NAV2: variants seen among roughly 807,000 people sequenced by gnomAD.
NAV2 encodes neuron navigator 2.
Under a neutral mutation model 223.2 loss-of-function variants are expected in NAV2, and 54 were observed. That is an observed-to-expected ratio of 0.24 (90% CI 0.19 to 0.30). The LOEUF (loss-of-function observed/expected upper bound fraction) is 0.30. Ranked by LOEUF, NAV2 falls within the 10% of genes least tolerant of loss-of-function variation. NAV2 has a pLI of 1.00. For missense variants in NAV2, 2,806 were observed against 3,147.5 expected, an observed-to-expected ratio of 0.89 and a Z score of 2.60; for synonymous variants, 1,279 against 1,239.3, an observed-to-expected ratio of 1.03 and a Z score of -0.67.
chr11:19,991,456 G>T (rs1438064955), intron 11 of NAV2, among the ~76,000 whole-genome samples: 2 of 152,146 alleles, frequency 1.3e-5, no homozygotes, highest in Non-Finnish European at 2.9e-5. Context: ...CTTAGGTCCT[G>T]CAAGCTACTT....
At chr11:19,656,085 G>C (rs1030574442) in intron 1 of NAV2, among the ~76,000 whole-genome samples, 1 of 152,286 alleles carries the variant, frequency 6.6e-6, no homozygotes, top group East Asian at 1.9e-4. Context: ...TTTCCGTGAA[G>C]GGGCTCAGCA....
chr11:19,850,694 T>C (rs947336232), intron 3 of NAV2, among the ~76,000 whole-genome samples: 1 of 152,216 alleles, frequency 6.6e-6, no homozygotes, highest in Non-Finnish European at 1.5e-5. Context: ...TCAGGACTTG[T>C]GGTTAATTTT....
chr11:20,006,170 AG>A (rs1211509628), intron 11 of NAV2, among the ~76,000 whole-genome samples: 1 of 152,090 alleles, frequency 6.6e-6, no homozygotes, highest in African/African-American at 2.4e-5. Flanking sequence ...GATCTTTCAA[AG>A]GTCTTTCAGT....
At chr11:19,547,728 A>G (rs2044550014) in intron 1 of NAV2, among the ~76,000 whole-genome samples, 1 of 152,132 alleles carries the variant, frequency 6.6e-6, no homozygotes, top group South Asian at 2.1e-4. Context: ...GAGCTCTAAG[A>G]CTTGTACTTT....
chr11:19,627,380 CT>C (rs897078055), intron 1 of NAV2, among the ~76,000 whole-genome samples: 2 of 151,494 alleles, frequency 1.3e-5, no homozygotes, highest in African/African-American at 4.9e-5. Flanking sequence ...CAGAGCGAGA[CT>C]CTGTCTCAAA....
At chr11:19,693,752 A>G (rs2049250721) in intron 1 of NAV2, among the ~76,000 whole-genome samples, 1 of 152,120 alleles carries the variant, frequency 6.6e-6, no homozygotes, top group South Asian at 2.1e-4. Flanking sequence ...CACACCAGCG[A>G]CTGGTGTAAC....
At chr11:19,770,028 A>T (rs2152572665) in intron 1 of NAV2, among the ~76,000 whole-genome samples, 1 of 152,096 alleles carries the variant, frequency 6.6e-6, no homozygotes, top group Middle Eastern at 3.4e-3. Context: ...ACCCCCACCA[A>T]ACCACAACCA....
chr11:19,652,693 G>A (rs1477985751), intron 1 of NAV2, among the ~76,000 whole-genome samples: 2 of 152,140 alleles, frequency 1.3e-5, no homozygotes, highest in African/African-American at 4.8e-5. Context: ...CTTCCCCACT[G>A]CCCAGAGGCT....
At chr11:19,370,282 T>C (rs993705197) in intron 1 of NAV2, among the ~76,000 whole-genome samples, 4 of 152,182 alleles carry the variant, frequency 2.6e-5, no homozygotes, top group Non-Finnish European at 4.4e-5. Context: ...AATGAGGAAA[T>C]GGTTAAGTCT....
Position 19,900,273 on chromosome 11 carries a change from A to C in NAV2, c.931+7679A>C, listed in dbSNP as rs570036077. 2.0e-3 allele frequency among the ~76,000 whole-genome samples: 118 copies of C among 58,216 alleles called. 2 individuals are homozygous for C. The East Asian group carries it at 0.042, about 21-fold the overall frequency. The allele number at this position is 58,216 out of a possible 152,430, so 38.2% of individuals were successfully genotyped here. On this transcript the variant is annotated intron_variant, in intron 6 of 37. Coordinates refer to ENST00000349880, the MANE Select transcript of NAV2 (RefSeq NM_145117.5). ...AGGGACTTCACAGATCACTGGAGGA[A>C]TAAACAAGAAGTTGTATCAAAGTCT...
chr11:19,563,421 T>G (rs1408246007), intron 1 of NAV2, among the ~76,000 whole-genome samples: 1 of 152,238 alleles, frequency 6.6e-6, no homozygotes, highest in East Asian at 1.9e-4. Flanking sequence ...GGTCTCCTTT[T>G]GACACAGAGG....
At chr11:19,970,151 G>T (rs1331764228) in intron 10 of NAV2, among the ~76,000 whole-genome samples, 1 of 152,090 alleles carries the variant, frequency 6.6e-6, no homozygotes, top group Admixed American at 6.5e-5. Flanking sequence ...CACAGACAAG[G>T]GAGGACTACA....
At chr11:19,628,638 C>T (rs954753043) in intron 1 of NAV2, among the ~76,000 whole-genome samples, 15 of 152,200 alleles carry the variant, frequency 9.9e-5, no homozygotes, top group Admixed American at 3.3e-4. Context: ...TACACTCACA[C>T]ATACACAAGG....
intron 1 of NAV2, among the ~76,000 whole-genome samples, chr11:19,666,579 G>A (rs895815865): frequency 6.6e-6 from 1 of 152,180 alleles, no homozygotes; most frequent in Non-Finnish European, 1.5e-5. Context: ...TGTGGAGCTT[G>A]GGGATGTCAT....
intron 1 of NAV2, among the ~76,000 whole-genome samples, chr11:19,356,711 G>T (rs1853641827): frequency 1.3e-5 from 2 of 152,158 alleles, no homozygotes; most frequent in African/African-American, 4.8e-5. Context: ...GTTATGGACT[G>T]AATTGCATTT....
chr11:19,590,280 C>T (rs1409289222), intron 1 of NAV2, among the ~76,000 whole-genome samples: 1 of 152,180 alleles, frequency 6.6e-6, no homozygotes, highest in Non-Finnish European at 1.5e-5. Flanking sequence ...GTTGGACTAG[C>T]TTAGGGGGTT....
chr11:19,351,089 A>AT lies in NAV2; in HGVS notation c.75+62_75+63insT. ...GTGCTGATTGCTAAGTGTGATTCAG[A>AT]GAGCATAGGTGGTCATCATCGAGCA... On this transcript the variant is annotated intron_variant, in intron 1 of 37. Coordinates refer to the NAV2 transcript ENST00000360655. 1.4e-5 allele frequency: 20 copies of AT among 1,451,088 alleles called. 1 individual carries two copies. The South Asian group carries it at 2.4e-4, about 18-fold the overall frequency. The allele number at this position is 1,451,088 out of a possible 1,614,324, so 89.9% of individuals were successfully genotyped here. A position where few individuals can be genotyped will look rare whatever the true frequency, so the allele number is the denominator to read the frequency against.
chr11:19,523,810 C>A (rs1287776273), intron 1 of NAV2, among the ~76,000 whole-genome samples: 2 of 152,220 alleles, frequency 1.3e-5, no homozygotes, highest in East Asian at 1.9e-4. Context: ...TGTCTTCACT[C>A]TTCACCTCCC....
chr11:19,542,773 C>T (rs747395814), intron 1 of NAV2, among the ~76,000 whole-genome samples: 12 of 152,196 alleles, frequency 7.9e-5, no homozygotes, highest in Non-Finnish European at 1.5e-4. Flanking sequence ...AACTGAGATT[C>T]AGGAAACATG....
Sources: gnomAD v4.1 joint callset for allele counts (sites outside exome capture counted in the v4.1 genomes callset) on GRCh38, gnomAD v4.1.1 for gene constraint, MANE v1.5 for transcripts, NCBI Gene and HGNC (gene_info 2026-07-23, HGNC 2026-07-21) for gene names.